The following APBA2 variants were observed in gnomAD, a reference collection of about 807,000 sequenced individuals.
APBA2 encodes amyloid beta precursor protein binding family A member 2, also known as amyloid-beta A4 precursor protein-binding family A member 2.
Under a neutral mutation model 75.0 loss-of-function variants are expected in APBA2, and 30 were observed. The observed-to-expected ratio is 0.40, with a 90% CI of 0.30 to 0.54. The LOEUF (loss-of-function observed/expected upper bound fraction) is 0.54. Among genes scored for constraint, APBA2 ranks in the 20% least tolerant of loss-of-function variants. The pLI is 0.49. For missense variants in APBA2, 801 were observed against 1,016.1 expected (o/e 0.79, Z 2.88); for synonymous variants, 444 against 409.6 (o/e 1.08, Z -1.01).
intron 3 of APBA2, among the ~76,000 whole-genome samples, chr15:29,042,185 T>C (rs2041080452): frequency 6.6e-6 from 1 of 152,208 alleles, no homozygotes; most frequent in Non-Finnish European, 1.5e-5. Flanking sequence ...TTCCCCTCTT[T>C]AGAGGACACC....
At chr15:28,922,930 GGTT>G (rs2034054598) in intron 2 of APBA2, among the ~76,000 whole-genome samples, 2 of 152,316 alleles carry the variant, frequency 1.3e-5, no homozygotes, top group Middle Eastern at 3.4e-3. Flanking sequence ...AGAGAACTGA[GGTT>G]GTTGCCCATG....
chr15:28,964,812 AT>A (rs145167036), intron 2 of APBA2, among the ~76,000 whole-genome samples: 2,668 of 149,622 alleles, frequency 0.018, 80 homozygotes, highest in African/African-American at 0.061. Context: ...TTCTAATTAG[AT>A]TTTTTTTTTA....
At chr15:28,957,226 C>A (rs1187932133) in intron 2 of APBA2, among the ~76,000 whole-genome samples, 1 of 143,174 alleles carries the variant, frequency 7.0e-6, no homozygotes, top group African/African-American at 2.9e-5. Flanking sequence ...GCGCCCGCCA[C>A]CGTGCCTGGC....
At chr15:28,905,982 A>C (rs2033112418) in intron 1 of APBA2, among the ~76,000 whole-genome samples, 1 of 152,194 alleles carries the variant, frequency 6.6e-6, no homozygotes, top group Non-Finnish European at 1.5e-5. Flanking sequence ...GCCCACAAGG[A>C]TAATCATTAT....
chr15:29,030,286 C>T (rs918191936), intron 3 of APBA2, among the ~76,000 whole-genome samples: 13 of 152,012 alleles, frequency 8.6e-5, no homozygotes, highest in African/African-American at 2.4e-4. Context: ...GGTGAAACCC[C>T]GTCTCTACTA....
At chr15:29,107,628 A>G (rs1288696538) in intron 12 of APBA2, among the ~76,000 whole-genome samples, 1 of 152,148 alleles carries the variant, frequency 6.6e-6, no homozygotes, top group Non-Finnish European at 1.5e-5. Flanking sequence ...ACAGAGAGAC[A>G]TGGGAGAGGC....
At chr15:29,050,761 T>G (rs1171477251) in intron 3 of APBA2, among the ~76,000 whole-genome samples, 1 of 152,200 alleles carries the variant, frequency 6.6e-6, no homozygotes, top group Non-Finnish European at 1.5e-5. Flanking sequence ...ACAGATTTTA[T>G]CCCCCCGAAT....
intron 6 of APBA2, among the ~76,000 whole-genome samples, chr15:29,090,158 A>G (rs1478751424): frequency 3.3e-5 from 5 of 152,214 alleles, no homozygotes; most frequent in African/African-American, 9.7e-5. Context: ...CTCGCTGAAC[A>G]AAAGAGCAAG....
intron 1 of APBA2, among the ~76,000 whole-genome samples, chr15:28,888,951 C>T (rs1421760848): frequency 2.0e-5 from 3 of 151,750 alleles, no homozygotes; most frequent in Non-Finnish European, 4.4e-5. Flanking sequence ...CCTGTGTGCC[C>T]GGTGGGGGCT....
At chr15:28,981,908 G>A (rs2037643456) in intron 2 of APBA2, among the ~76,000 whole-genome samples, 1 of 152,168 alleles carries the variant, frequency 6.6e-6, no homozygotes, top group Non-Finnish European at 1.5e-5. Context: ...CACAGAAACA[G>A]AAAACCGAAT....
intron 3 of APBA2, among the ~76,000 whole-genome samples, chr15:29,020,723 T>C (rs1296864584): frequency 6.6e-6 from 1 of 152,026 alleles, no homozygotes; most frequent in East Asian, 1.9e-4. Context: ...GGCAGGAGAA[T>C]TGCTTGAACC....
chr15:29,030,533 T>TGA (rs2040436961), intron 3 of APBA2, among the ~76,000 whole-genome samples: 1 of 152,114 alleles, frequency 6.6e-6, no homozygotes, highest in South Asian at 2.1e-4. Context: ...GAATTCTGTT[T>TGA]ATTCAGAGAA....
At chr15:28,987,847 G>A (rs1453585244) in intron 2 of APBA2, among the ~76,000 whole-genome samples, 1 of 148,742 alleles carries the variant, frequency 6.7e-6, no homozygotes, top group Non-Finnish European at 1.5e-5. Flanking sequence ...ACCTCCGCCT[G>A]CCAGGTTCAA....
intron 6 of APBA2, among the ~76,000 whole-genome samples, chr15:29,081,280 A>G (rs1444318761): frequency 1.3e-5 from 2 of 152,152 alleles, no homozygotes; most frequent in African/African-American, 2.4e-5. Flanking sequence ...GATGGACGGG[A>G]GGAAGGTCAC....
chr15:28,957,708 G>A (rs1316343251), intron 2 of APBA2, among the ~76,000 whole-genome samples: 2 of 152,212 alleles, frequency 1.3e-5, no homozygotes, highest in African/African-American at 4.8e-5. Flanking sequence ...GGGCTCTGTG[G>A]TGGGGAGGCG....
chr15:28,907,395 T>C (rs1343846679), intron 1 of APBA2, among the ~76,000 whole-genome samples: 1 of 152,234 alleles, frequency 6.6e-6, no homozygotes, highest in Non-Finnish European at 1.5e-5. Flanking sequence ...GGTAAGACTT[T>C]GTTATCTTAA....
intron 6 of APBA2, among the ~76,000 whole-genome samples, chr15:29,090,527 G>C (rs2043509373): frequency 6.6e-6 from 1 of 152,234 alleles, no homozygotes; most frequent in Non-Finnish European, 1.5e-5. Flanking sequence ...ATTCCAAAGG[G>C]AGGGCTGGCC....
At chr15:28,938,077 G>T (rs574754332) in intron 2 of APBA2, among the ~76,000 whole-genome samples, 1 of 152,322 alleles carries the variant, frequency 6.6e-6, no homozygotes, top group African/African-American at 2.4e-5. Flanking sequence ...TGATAAGCAG[G>T]TGTCCTGAGG....
chr15:29,065,654 A>G (rs190398632), intron 4 of APBA2, among the ~76,000 whole-genome samples: 120 of 152,252 alleles, frequency 7.9e-4, no homozygotes, highest in Non-Finnish European at 8.1e-4. Context: ...TCTGCCCCCA[A>G]TTCCCCAGTC....
Sources: gnomAD v4.1 joint callset for allele counts (sites outside exome capture counted in the v4.1 genomes callset) on GRCh38, gnomAD v4.1.1 for gene constraint, MANE v1.5 for transcripts, NCBI Gene and HGNC (gene_info 2026-07-23, HGNC 2026-07-21) for gene names.